The following CPNE5 variants were observed in gnomAD, a reference collection of about 807,000 sequenced individuals.
CPNE5 encodes copine 5.
Under a neutral mutation model 81.1 loss-of-function variants are expected in CPNE5, and 42 were observed. The ratio of observed to expected loss-of-function variants is 0.52; its 90% CI spans 0.40 to 0.67. CPNE5 has a LOEUF of 0.67. Ranked by LOEUF, CPNE5 falls within the 30% of genes least tolerant of loss-of-function variation. The pLI, the probability that CPNE5 is intolerant of heterozygous loss-of-function variation, is 0.00. For missense variants in CPNE5, 612 were observed against 815.5 expected (o/e 0.75, Z 3.04); for synonymous variants, 313 against 321.5 (o/e 0.97, Z 0.28).
At chr6:36,815,703 T>A (rs1771481261) in intron 3 of CPNE5, among the ~76,000 whole-genome samples, 1 of 152,240 alleles carries the variant, frequency 6.6e-6, no homozygotes, top group Non-Finnish European at 1.5e-5. Context: ...TGAAGACACA[T>A]GTCAAGTTGC....
intron 16 of CPNE5, among the ~76,000 whole-genome samples, chr6:36,745,881 C>A (rs1004616443): frequency 6.6e-6 from 1 of 152,178 alleles, no homozygotes; most frequent in African/African-American, 2.4e-5. Context: ...CTGGGCCCAG[C>A]ACAGCACCTT....
At chr6:36,795,650 C>T (rs1769499537) in intron 6 of CPNE5, among the ~76,000 whole-genome samples, 1 of 152,216 alleles carries the variant, frequency 6.6e-6, no homozygotes, top group Non-Finnish European at 1.5e-5. Context: ...CCTCAGAAGA[C>T]ATGAACTCTG....
chr6:36,778,919 G>A lies in CPNE5; in HGVS notation c.567C>T (p.Asp189=). 6.2e-7 allele frequency: 1 copy of A among 1,605,910 alleles called. No homozygotes were observed. Among genetic ancestry groups the A allele is most frequent in the South Asian group, 1.1e-5 (1 of 90,896 alleles). Residue 189 remains aspartate, a synonymous_variant, in exon 9 of 21, where the codon GAC becomes GAT. Transcript: ENST00000244751. ...ATMQFCANKL[D]KKDFFGKSDP... ...CAGATTTCCCAAAGAAATCTTTCTT[G>A]TCCAGCTTGTTGGCACAGAACTGCA...
At chr6:36,826,952 C>T (rs759065576) in intron 1 of CPNE5, among the ~76,000 whole-genome samples, 2 of 152,124 alleles carry the variant, frequency 1.3e-5, no homozygotes, top group Non-Finnish European at 2.9e-5. Context: ...TGTGGAGCAC[C>T]TGGGACCTCG....
chr6:36,765,215 C>G, intron 11 of CPNE5, 120 bp downstream of exon 11: 1 of 1,014,718 alleles, frequency 9.9e-7, no homozygotes, highest in East Asian at 2.6e-5. Flanking sequence ...AACCCAGGCT[C>G]CCTCACCCCC....
At chr6:36,754,560 G>A (rs770802706) in intron 13 of CPNE5, 2 of 152,196 alleles carry the variant, frequency 1.3e-5, no homozygotes, top group Non-Finnish European at 2.9e-5. Flanking sequence ...TGGCCTGGGC[G>A]TCTGTATTTC....
At chr6:36,802,783 C>T (rs1421721977) in intron 3 of CPNE5, among the ~76,000 whole-genome samples, 1 of 152,124 alleles carries the variant, frequency 6.6e-6, no homozygotes, top group Admixed American at 6.6e-5. Context: ...GGTGCGGTGG[C>T]TAACACCTGT....
chr6:36,827,246 C>T, intron 1 of CPNE5: 1 of 847,424 alleles, frequency 1.2e-6, no homozygotes, highest in Non-Finnish European at 1.4e-6. Context: ...TGATCCCACA[C>T]CTCGTCCACA....
chr6:36,827,421 G>A, intron 1 of CPNE5: 1 of 985,362 alleles, frequency 1.0e-6, no homozygotes, highest in African/African-American at 1.7e-5. Context: ...GCAGTTCCTT[G>A]GGCTCTGTTC....
At chr6:36,822,073 A>C (rs1040776271) in intron 3 of CPNE5, 41 bp downstream of exon 3, 1 of 1,503,656 alleles carries the variant, frequency 6.7e-7, no homozygotes, top group African/African-American at 1.4e-5. Context: ...GGCAGACAGG[A>C]ACAGGCTGGT....
In CPNE5 at chr6:36,792,816, C is replaced by A. The variant is rs189377480; in HGVS notation, c.465-720G>T. 9.9e-5 allele frequency among the ~76,000 whole-genome samples: 15 copies of A among 152,258 alleles called. No individual in the cohort carries two copies. The East Asian group carries it at 2.9e-3, about 29-fold the overall frequency. On this transcript the variant is annotated intron_variant, in intron 7 of 20. Coordinates refer to ENST00000244751, the MANE Select transcript of CPNE5 (RefSeq NM_020939.2). Reference sequence around the variant, plus strand: ...ACCTCTTCCCCTGGTTAGATAGGACCCCCTCCTTCAGGCACCATCCCAGCC... The same window carrying A: ...ACCTCTTCCCCTGGTTAGATAGGACACCCTCCTTCAGGCACCATCCCAGCC...
chr6:36,770,873 G>A (rs1180632269), intron 10 of CPNE5, among the ~76,000 whole-genome samples: 1 of 151,700 alleles, frequency 6.6e-6, no homozygotes, highest in East Asian at 1.9e-4. Flanking sequence ...TTTTAAAAAT[G>A]GGTTTCAGAT....
intron 1 of CPNE5, among the ~76,000 whole-genome samples, chr6:36,836,669 G>A (rs946448847): frequency 1.3e-5 from 2 of 152,106 alleles, no homozygotes; most frequent in African/African-American, 2.4e-5. Flanking sequence ...TTTAACTGGC[G>A]ACCATGGAGT....
Position 36,781,657 on chromosome 6 carries a change from G to T in CPNE5, c.529-2700C>A, listed in dbSNP as rs1256592619. 1.3e-5 allele frequency among the ~76,000 whole-genome samples: 2 copies of T among 152,198 alleles called. 1 individual carries two copies. The highest frequency in any genetic ancestry group is 2.9e-5 in the Non-Finnish European group (2 of 68,032). On this transcript the variant is annotated intron_variant, in intron 8 of 20. Transcript: ENST00000244751. ...GAGCCCCATCCATGTCCTGGGACAG[G>T]GATGTGGCCCAGGACTTGATGGGCT...
At chr6:36,818,398 T>C (rs1044845998) in intron 3 of CPNE5, among the ~76,000 whole-genome samples, 2 of 152,214 alleles carry the variant, frequency 1.3e-5, no homozygotes, top group Non-Finnish European at 2.9e-5. Flanking sequence ...CATTTGGTGA[T>C]GCTCTGTTCT....
intron 9 of CPNE5, among the ~76,000 whole-genome samples, chr6:36,776,413 C>G (rs955231040): frequency 2.1e-4 from 32 of 152,186 alleles, no homozygotes; most frequent in Non-Finnish European, 4.4e-4. Context: ...GGAGACCTCC[C>G]CACACACCTC....
rs1249984022 is a variant in CPNE5, at chr6:36,766,104, G to A, written c.738-728C>T. On this transcript the variant is annotated intron_variant, in intron 10 of 20. Transcript: ENST00000244751. The surrounding 1 kb of genome is among the most constrained non-coding windows in gnomAD (Gnocchi z 4.2). ...GGTTAACCCTTGGTGCCAGCTGCTCGATCCTCCAGGGATGCCCAGGGACAG... is the reference window on the plus strand; with the variant it reads ...GGTTAACCCTTGGTGCCAGCTGCTCAATCCTCCAGGGATGCCCAGGGACAG... 1.3e-5 allele frequency among the ~76,000 whole-genome samples: 2 copies of A among 152,128 alleles called. No individual in the cohort carries two copies. The highest frequency in any genetic ancestry group is 4.8e-5 in the African/African-American group (2 of 41,418).
chr6:36,823,032 G>A (rs148971611), intron 2 of CPNE5, 26 bp downstream of exon 2: 55 of 1,546,460 alleles, frequency 3.6e-5, no homozygotes, highest in African/African-American at 2.2e-4. Context: ...TATTGTTACC[G>A]TTCTTATTGT....
intron 18 of CPNE5, among the ~76,000 whole-genome samples, 194 bp downstream of exon 18, chr6:36,744,854 C>T (rs569743116): frequency 3.3e-5 from 5 of 152,272 alleles, no homozygotes; most frequent in Non-Finnish European, 7.4e-5. Flanking sequence ...TATCCAGCAC[C>T]GGACTCTGCA....
Sources: gnomAD v4.1 joint callset for allele counts (sites outside exome capture counted in the v4.1 genomes callset) on GRCh38, gnomAD v4.1.1 for gene constraint, Gnocchi (gnomAD v3.1) non-coding constraint, MANE v1.5 for transcripts, NCBI Gene and HGNC (gene_info 2026-07-23, HGNC 2026-07-21) for gene names.